The following SVOPL variants were observed in gnomAD, a reference collection of about 807,000 sequenced individuals.
The protein encoded by SVOPL is putative transporter SVOPL.
Under a neutral mutation model 61.0 loss-of-function variants are expected in SVOPL, and 60 were observed. That is an observed-to-expected ratio of 0.98 (90% CI 0.80 to 1.22). The LOEUF (loss-of-function observed/expected upper bound fraction) is 1.22. SVOPL is among the 50% of genes most tolerant of loss of function. The pLI is 0.00. For missense variants in SVOPL, 662 were observed against 643.9 expected, an observed-to-expected ratio of 1.03 and a Z score of -0.30; for synonymous variants, 279 against 250.0, an observed-to-expected ratio of 1.12 and a Z score of -1.09.
chr7:138,672,179 T>C, intron 3 of SVOPL, 62 bp from the exon 4 acceptor site: 1 of 1,461,784 alleles, frequency 6.8e-7, no homozygotes, highest in Non-Finnish European at 9.4e-7. Flanking sequence ...TCTTCTCATA[T>C]CTGCCTGCCC....
intron 9 of SVOPL, among the ~76,000 whole-genome samples, chr7:138,632,009 G>A (rs986537185): frequency 1.6e-5 from 2 of 127,014 alleles, no homozygotes; most frequent in African/African-American, 6.5e-5. Flanking sequence ...CACCCCACCT[G>A]GTTCTAAGCA....
At chr7:138,693,677 GAGGAAGGAAAGA>G (rs1289406877) in intron 1 of SVOPL, among the ~76,000 whole-genome samples, 1 of 151,578 alleles carries the variant, frequency 6.6e-6, no homozygotes, top group Admixed American at 6.6e-5. Context: ...GGGAGGGAGC[GAGGAAGGAAAGA>G]AGGAAGGAAG....
At chr7:138,598,790 ATACT>A (rs1429998322) in intron 14 of SVOPL, among the ~76,000 whole-genome samples, 3 of 152,214 alleles carry the variant, frequency 2.0e-5, no homozygotes, top group Non-Finnish European at 2.9e-5. Context: ...CAAAAATAGA[ATACT>A]TAGGAATAAA....
intron 2 of SVOPL, among the ~76,000 whole-genome samples, chr7:138,678,729 C>T (rs1315000781): frequency 1.3e-5 from 2 of 152,130 alleles, no homozygotes; most frequent in Non-Finnish European, 2.9e-5. Context: ...CACTGCCACA[C>T]TGGCCTAATT....
At chr7:138,695,939 C>T (rs1382888484) in intron 1 of SVOPL, among the ~76,000 whole-genome samples, 2 of 151,758 alleles carry the variant, frequency 1.3e-5, no homozygotes, top group African/African-American at 2.4e-5. Context: ...TGTGCCACCA[C>T]GCCTGGGCAA....
At chr7:138,620,119 G>GT (rs375556204) in intron 14 of SVOPL, among the ~76,000 whole-genome samples, 26 of 114,560 alleles carry the variant, frequency 2.3e-4, no homozygotes, top group Middle Eastern at 4.5e-3. Context: ...TTTTTTTTCT[G>GT]TTTTGTTTTT....
intron 7 of SVOPL, among the ~76,000 whole-genome samples, chr7:138,652,675 G>A (rs894094485): frequency 6.6e-6 from 1 of 151,894 alleles, no homozygotes; most frequent in East Asian, 1.9e-4. Flanking sequence ...GAATGCAATG[G>A]TGCCATCTCA....
At chr7:138,612,555 G>A (rs1584780837) in intron 14 of SVOPL, among the ~76,000 whole-genome samples, 2 of 137,876 alleles carry the variant, frequency 1.5e-5, no homozygotes, top group Non-Finnish European at 3.0e-5. Flanking sequence ...TCGCTCTATC[G>A]CCCAGGCTGG....
Position 138,641,593 on chromosome 7 carries a change from C to T in SVOPL, c.789+3124G>A, listed in dbSNP as rs933119760. Among the ~76,000 whole-genome samples the T allele has an allele frequency of 1.2e-3, 183 of 150,578 alleles. 3 individuals are homozygous for T. The highest frequency in any genetic ancestry group is 0.012 in the Admixed American group (182 of 15,026). On this transcript the variant is annotated intron_variant, in intron 9 of 15. Coordinates refer to ENST00000674285, the MANE Select transcript of SVOPL (RefSeq NM_001139456.2). ...AGCTGAGACTGGAGAATCGCTTGAA[C>T]CCAGGAGGCAGAGGTTGCAGTGAGC... is the stretch of plus-strand genomic sequence containing the variant.
At chr7:138,680,001 G>A (rs58930234) in intron 1 of SVOPL, among the ~76,000 whole-genome samples, 27,111 of 151,942 alleles carry the variant, frequency 0.18, 2,607 homozygotes, top group Middle Eastern at 0.31. Context: ...CTCTGAGACC[G>A]GTAACCAACC....
At chr7:138,610,477 T>C (rs1280941034) in intron 14 of SVOPL, among the ~76,000 whole-genome samples, 1 of 152,208 alleles carries the variant, frequency 6.6e-6, no homozygotes, top group Non-Finnish European at 1.5e-5. Flanking sequence ...AATGGTGAGA[T>C]ATTAGTAAAG....
At chr7:138,652,578 G>A (rs571008317) in intron 7 of SVOPL, among the ~76,000 whole-genome samples, 10 of 151,998 alleles carry the variant, frequency 6.6e-5, no homozygotes, top group South Asian at 2.1e-4. Flanking sequence ...TAGGCCTGTC[G>A]TACCAAACAG....
chr7:138,651,128 T>G (rs1801412518), intron 7 of SVOPL, among the ~76,000 whole-genome samples: 1 of 151,940 alleles, frequency 6.6e-6, no homozygotes, highest in South Asian at 2.1e-4. Context: ...ACCACCAGGA[T>G]CGTTGGAAGG....
intron 14 of SVOPL, among the ~76,000 whole-genome samples, chr7:138,613,408 T>C (rs1308891753): frequency 2.0e-5 from 3 of 152,116 alleles, no homozygotes; most frequent in Non-Finnish European, 4.4e-5. Context: ...AAGGTAAAAA[T>C]CTAAAGTCCT....
At chr7:138,651,592 A>T (rs1801435421) in intron 7 of SVOPL, among the ~76,000 whole-genome samples, 1 of 152,144 alleles carries the variant, frequency 6.6e-6, no homozygotes, top group African/African-American at 2.4e-5. Context: ...ACGTTTTAGT[A>T]ATTCTCGCAA....
chr7:138,612,880 A>C (rs1215280446), intron 14 of SVOPL, among the ~76,000 whole-genome samples: 1 of 152,008 alleles, frequency 6.6e-6, no homozygotes, highest in African/African-American at 2.4e-5. Context: ...CTATAATAGA[A>C]AGGGTTTTCC....
chr7:138,595,107 G>A (rs1224025780), intron 15 of SVOPL, among the ~76,000 whole-genome samples: 3 of 151,960 alleles, frequency 2.0e-5, no homozygotes, highest in Non-Finnish European at 2.9e-5. Context: ...CAGACTTGTC[G>A]AATCAGAGTT....
chr7:138,698,027 A>T (rs1329726785), intron 1 of SVOPL, among the ~76,000 whole-genome samples: 1 of 151,846 alleles, frequency 6.6e-6, no homozygotes, highest in African/African-American at 2.4e-5. Flanking sequence ...GGAAGGAAGA[A>T]GTAATGAAAA....
At chr7:138,614,170 C>A (rs2116834103) in intron 14 of SVOPL, among the ~76,000 whole-genome samples, 1 of 152,272 alleles carries the variant, frequency 6.6e-6, no homozygotes, top group East Asian at 1.9e-4. Context: ...TCCTCTAAAA[C>A]TTGTAGAGAA....
Sources: gnomAD v4.1 joint callset for allele counts (sites outside exome capture counted in the v4.1 genomes callset) on GRCh38, gnomAD v4.1.1 for gene constraint, MANE v1.5 for transcripts, NCBI Gene and HGNC (gene_info 2026-07-23, HGNC 2026-07-21) for gene names.